The following IL1RAPL2 variants were observed in gnomAD, a reference collection of about 807,000 sequenced individuals.
IL1RAPL2 encodes interleukin 1 receptor accessory protein like 2.
IL1RAPL2 carries 3 observed loss-of-function variants against 44.1 expected under a neutral mutation model. That is an observed-to-expected ratio of 0.07 (90% CI 0.03 to 0.18). IL1RAPL2 has a LOEUF of 0.18. IL1RAPL2 is among the 10% of genes least tolerant of loss of function. The probability of loss-of-function intolerance (pLI) is 1.00; values close to 1 mark genes in which losing one functional copy is unlikely to be tolerated. For synonymous variants in IL1RAPL2, 181 were observed against 178.8 expected, an observed-to-expected ratio of 1.01 and a Z score of -0.10; for missense variants, 391 against 496.4, an observed-to-expected ratio of 0.79 and a Z score of 2.02.
rs781670446 is a variant in IL1RAPL2, at chrX:104,657,573, C to T, written c.-19-1322C>T. On this transcript the variant is annotated intron_variant, in intron 1 of 10. Coordinates refer to ENST00000372582, the MANE Select transcript of IL1RAPL2 (RefSeq NM_017416.2). ...AGAACACAGGCATGGGCAAGGACTT[C>T]ATGACTAAAATGCCAAAAGCAATGG... Among the ~76,000 whole-genome samples, 214 of 111,909 alleles carry T rather than the reference C, an allele frequency of 1.9e-3. 1 individual carries two copies. The highest frequency in any genetic ancestry group is 6.5e-3 in the African/African-American group (201 of 30,860).
intron 2 of IL1RAPL2, among the ~76,000 whole-genome samples, chrX:104,670,255 T>C (rs1930567746): frequency 9.0e-6 from 1 of 111,079 alleles, no homozygotes; most frequent in South Asian, 3.8e-4. Flanking sequence ...CTGGTGTAAG[T>C]CCAAGAGTGC....
Position 104,839,797 on chromosome X carries a change from C to T in IL1RAPL2, c.82+180802C>T, listed in dbSNP as rs187863461. Among the ~76,000 whole-genome samples, 38 of 111,862 alleles carry T rather than the reference C, an allele frequency of 3.4e-4. 1 individual carries two copies. Among genetic ancestry groups the T allele is most frequent in the Middle Eastern group, 4.7e-3 (1 of 213 alleles). ...ATTGGTCTATTCAGGGATTTGACTTCTTCCTGGTTTAGTTTTGGGAGGGTG... is the reference window on the plus strand; with the variant it reads ...ATTGGTCTATTCAGGGATTTGACTTTTTCCTGGTTTAGTTTTGGGAGGGTG... On this transcript the variant is annotated intron_variant, in intron 2 of 10. Coordinates refer to ENST00000372582, the MANE Select transcript of IL1RAPL2 (RefSeq NM_017416.2).
chrX:105,269,899 G>T (rs1168962196), intron 5 of IL1RAPL2, among the ~76,000 whole-genome samples: 1 of 112,115 alleles, frequency 8.9e-6, no homozygotes, highest in African/African-American at 3.2e-5. Flanking sequence ...TGTTGACAAC[G>T]CATTTGCTTC....
chrX:105,485,606 A>C (rs1344990900), intron 6 of IL1RAPL2, among the ~76,000 whole-genome samples: 1 of 111,269 alleles, frequency 9.0e-6, no homozygotes, highest in Non-Finnish European at 1.9e-5. Context: ...CACCACACCC[A>C]AAACCCTTCC....
At chrX:105,303,592 A>G (rs2034712512) in intron 5 of IL1RAPL2, among the ~76,000 whole-genome samples, 2 of 111,832 alleles carry the variant, frequency 1.8e-5, no homozygotes, top group Admixed American at 1.9e-4. Flanking sequence ...AAAACACCAA[A>G]ATGGTTACTC....
intron 2 of IL1RAPL2, among the ~76,000 whole-genome samples, chrX:104,920,935 G>C (rs1467744707): frequency 2.7e-5 from 3 of 111,088 alleles, no homozygotes; most frequent in African/African-American, 9.8e-5. Context: ...AGAAGTGACA[G>C]AAGACACCCT....
intron 5 of IL1RAPL2, among the ~76,000 whole-genome samples, chrX:105,410,705 C>A (rs912961825): frequency 1.8e-5 from 2 of 111,686 alleles, no homozygotes; most frequent in East Asian, 2.8e-4. Context: ...GGAATAAAAA[C>A]CCCCTGAGAG....
intron 5 of IL1RAPL2, among the ~76,000 whole-genome samples, chrX:105,424,021 C>A (rs1016004442): frequency 1.8e-5 from 2 of 111,464 alleles, no homozygotes; most frequent in Non-Finnish European, 3.8e-5. Flanking sequence ...GTACCAAGCA[C>A]CAGTAGGAGA....
Position 104,833,453 on chromosome X carries a change from CTG to C in IL1RAPL2, c.82+174460_82+174461del, listed in dbSNP as rs201277365. On this transcript the variant is annotated intron_variant, in intron 2 of 10. Coordinates refer to ENST00000372582, the MANE Select transcript of IL1RAPL2 (RefSeq NM_017416.2). ...ATAATCATTTTATGAAATTGCTTAA[CTG>C]TATTAAATCTGAATTTGTCTCGTGT... is the stretch of plus-strand genomic sequence containing the variant. Among the ~76,000 whole-genome samples, 1,065 of 112,229 alleles carry C rather than the reference CTG, an allele frequency of 9.5e-3. 8 individuals are homozygous for C. Among genetic ancestry groups the C allele is most frequent in the Non-Finnish European group, 0.012 (655 of 53,268 alleles).
At chrX:105,449,754 C>CA (rs1161789165) in intron 5 of IL1RAPL2, among the ~76,000 whole-genome samples, 4 of 109,259 alleles carry the variant, frequency 3.7e-5, no homozygotes, top group Non-Finnish European at 7.6e-5. Flanking sequence ...AAAAAAAAAA[C>CA]AAAAAACAAA....
intron 2 of IL1RAPL2, among the ~76,000 whole-genome samples, chrX:105,025,852 A>G (rs2031361833): frequency 9.0e-6 from 1 of 111,431 alleles, no homozygotes; most frequent in South Asian, 3.7e-4. Flanking sequence ...TCTGCAGTCC[A>G]GGTGGGAAGA....
At chrX:104,592,462 T>C (rs1157505320) in intron 1 of IL1RAPL2, among the ~76,000 whole-genome samples, 2 of 110,594 alleles carry the variant, frequency 1.8e-5, no homozygotes, top group Non-Finnish European at 3.8e-5. Flanking sequence ...TTCAGGAACA[T>C]GGTATAGAGC....
At chrX:105,348,409 C>T (rs1348873169) in intron 5 of IL1RAPL2, among the ~76,000 whole-genome samples, 1 of 112,090 alleles carries the variant, frequency 8.9e-6, no homozygotes, top group Non-Finnish European at 1.9e-5. Flanking sequence ...TTAACAGTCA[C>T]TATTTCATAG....
In IL1RAPL2 at chrX:104,972,801, T is replaced by C. The variant is rs529947192; in HGVS notation, c.83-222674T>C. 5.4e-5 allele frequency among the ~76,000 whole-genome samples: 6 copies of C among 111,610 alleles called. No homozygotes were observed. The East Asian group carries it at 1.7e-3, about 32-fold the overall frequency. On this transcript the variant is annotated intron_variant, in intron 2 of 10. Transcript: ENST00000372582. ...AAGCAATAGAAAAGAAACATTGTAGTCAAGAAGAGAAAAATTAATGCTCCT... is the reference window on the plus strand; with the variant it reads ...AAGCAATAGAAAAGAAACATTGTAGCCAAGAAGAGAAAAATTAATGCTCCT...
Position 104,832,266 on chromosome X carries a change from TTTTTA to T in IL1RAPL2, c.82+173281_82+173285del, listed in dbSNP as rs1458643213. On this transcript the variant is annotated intron_variant, in intron 2 of 10. Coordinates refer to ENST00000372582, the MANE Select transcript of IL1RAPL2 (RefSeq NM_017416.2). ...ATTTAATTTTTTTGTTTTTGCTTTATTTTTATTTTATTTTTTGATAAATAATCATA... is the reference window on the plus strand; with the variant it reads ...ATTTAATTTTTTTGTTTTTGCTTTATTTTTATTTTTTGATAAATAATCATA... 1.5e-3 allele frequency among the ~76,000 whole-genome samples: 165 copies of T among 112,356 alleles called. 1 individual carries two copies. The highest frequency in any genetic ancestry group is 4.8e-3 in the African/African-American group (149 of 31,074).
rs190250172 is a variant in IL1RAPL2 at position 105,082,477 on chromosome X, G to T, written c.83-112998G>T. On this transcript the variant is annotated intron_variant, in intron 2 of 10. Coordinates refer to ENST00000372582, the MANE Select transcript of IL1RAPL2 (RefSeq NM_017416.2). ...AAGGATCAGACTGCTTCCTCAAGTG[G>T]TTCTATGATCTCGGGTATACTGAAT... Among the ~76,000 whole-genome samples the T allele has an allele frequency of 4.5e-5, 5 of 111,631 alleles. No homozygotes were observed. The East Asian group carries it at 1.4e-3, about 32-fold the overall frequency.
At chrX:105,612,289 G>A (rs1354720289) in intron 6 of IL1RAPL2, among the ~76,000 whole-genome samples, 1 of 109,755 alleles carries the variant, frequency 9.1e-6, no homozygotes, top group East Asian at 2.9e-4. Context: ...TTATTTTTTG[G>A]AGAGACAGAG....
chrX:104,783,062 C>T (rs1458697509), intron 2 of IL1RAPL2, among the ~76,000 whole-genome samples: 2 of 111,949 alleles, frequency 1.8e-5, no homozygotes, highest in Admixed American at 1.9e-4. Context: ...AGTGCAAATA[C>T]TTCTTTAAGG....
chrX:104,971,620 A>T (rs185741382), intron 2 of IL1RAPL2, among the ~76,000 whole-genome samples: 2 of 111,005 alleles, frequency 1.8e-5, no homozygotes, highest in East Asian at 5.7e-4. Flanking sequence ...AGAGAACTAC[A>T]TTTGCCAAAG....
Sources: allele counts gnomAD v4.1 joint callset (sites outside exome capture counted in the v4.1 genomes callset), GRCh38; gene constraint gnomAD v4.1.1; transcripts MANE v1.5; gene names NCBI Gene and HGNC (gene_info 2026-07-23, HGNC 2026-07-21).